CHD2: variants seen among roughly 807,000 people sequenced by gnomAD.
CHD2 encodes the protein ATP-dependent chromatin remodeler CHD2.
CHD2 carries 28 observed loss-of-function variants against 243.9 expected under a neutral mutation model. The ratio of observed to expected loss-of-function variants is 0.11; its 90% confidence interval spans 0.09 to 0.16. The LOEUF (loss-of-function observed/expected upper bound fraction) is 0.16, where lower values mean the gene tolerates loss of function less well. Among genes scored for constraint, CHD2 ranks in the 10% least tolerant of loss-of-function variants. The pLI is 1.00. For missense variants in CHD2, 1,386 were observed against 2,209.8 expected (o/e 0.63, Z 7.47); for synonymous variants, 775 against 779.0 (o/e 0.99, Z 0.09).
chr15:92,920,271 A>G (rs2052929646), intron 2 of CHD2, among the ~76,000 whole-genome samples: 1 of 152,260 alleles, frequency 6.6e-6, no homozygotes, highest in South Asian at 2.1e-4. Flanking sequence ...ATTTATGGTT[A>G]CAGTCAACAG....
chr15:93,014,862 C>G lies in CHD2; in HGVS notation c.4859C>G (p.Pro1620Arg). 6.2e-7 allele frequency: 1 copy of G among 1,614,142 alleles called. No individual in the cohort carries two copies. The highest frequency in any genetic ancestry group is 8.5e-7 in the Non-Finnish European group (1 of 1,180,026). The change falls in exon 37 of 39, where the codon CCA (proline) becomes CGA (arginine). Residue 1620 changes from proline (P) to arginine (R), a missense_variant. Coordinates refer to ENST00000394196, the MANE Select transcript of CHD2 (RefSeq NM_001271.4). ...CATGGCCCACAGATGCATGGACACC[C>G]AAGAGATAACTACAATCACCCCAAC... ...ASHGPQMHGH[P>R]RDNYNHPNKR...
chr15:92,969,225 T>C (rs558508420), intron 17 of CHD2, among the ~76,000 whole-genome samples: 5 of 152,224 alleles, frequency 3.3e-5, no homozygotes, highest in African/African-American at 4.8e-5. Flanking sequence ...TGAGTTTTTA[T>C]CACTTGCAAT....
intron 13 of CHD2, among the ~76,000 whole-genome samples, chr15:92,952,112 C>T (rs890698687): frequency 6.6e-6 from 1 of 152,124 alleles, no homozygotes; most frequent in Admixed American, 6.5e-5. Context: ...GCCAAAATGA[C>T]TGTATTCTGT....
chr15:92,971,656 A>T, intron 17 of CHD2, 109 bp from the exon 18 acceptor site: 1 of 858,206 alleles, frequency 1.2e-6, no homozygotes, highest in Non-Finnish European at 1.6e-6. Context: ...AAACTTTTTT[A>T]GGCCTCTTTT....
At chr15:92,979,535 A>G (rs997689657) in intron 22 of CHD2, among the ~76,000 whole-genome samples, 1 of 151,906 alleles carries the variant, frequency 6.6e-6, no homozygotes, top group South Asian at 2.1e-4. Context: ...CTCATGTGAC[A>G]TATGACACAG....
rs138243021 is a variant in CHD2, at chr15:92,945,624, C to T, written c.1154-197C>T. 4.1e-3 allele frequency: 1,304 copies of T among 316,788 alleles called. 4 individuals carry two copies. The highest frequency in any genetic ancestry group is 6.7e-3 in the Admixed American group (134 of 20,102). The allele number at this position is 316,788 out of a possible 1,614,324, so 19.6% of individuals were successfully genotyped here. Reference sequence around the variant, plus strand: ...TGTTGGCCAGGTTGGTCTTGAACTGCTGGCCTCAAGCAATCTGCCTGCCTT... The same window carrying T: ...TGTTGGCCAGGTTGGTCTTGAACTGTTGGCCTCAAGCAATCTGCCTGCCTT... On this transcript the variant is annotated intron_variant, in intron 10 of 38. Coordinates refer to ENST00000394196, the MANE Select transcript of CHD2 (RefSeq NM_001271.4).
chr15:92,986,905 A>T (rs190314608), intron 26 of CHD2, among the ~76,000 whole-genome samples: 1,781 of 148,628 alleles, frequency 0.012, 20 homozygotes, highest in South Asian at 0.031. Flanking sequence ...CTAATTAAAA[A>T]TTTTTTTTTT....
chr15:93,002,822 C>T (rs1321158003), intron 33 of CHD2, among the ~76,000 whole-genome samples: 1 of 152,172 alleles, frequency 6.6e-6, no homozygotes, highest in African/African-American at 2.4e-5. Context: ...GCAGTGTATA[C>T]TTGCTGACCT....
rs189583903 is a variant in CHD2 at position 92,941,969 on chromosome 15, G to A, written c.826+14G>A. ...GAAAGAAAGGAGGTATGTGTATTTG[G>A]GGAGCAAATTACATTTTATGTATGC... On this transcript the variant is annotated intron_variant, in intron 8 of 38. Coordinates refer to ENST00000394196, the MANE Select transcript of CHD2 (RefSeq NM_001271.4). 1.4e-5 allele frequency: 23 copies of A among 1,605,666 alleles called. No homozygotes were observed. The African/African-American group carries it at 3.0e-4, about 21-fold the overall frequency.
At chr15:93,008,167 G>C (rs985816492) in intron 34 of CHD2, among the ~76,000 whole-genome samples, 7 of 152,208 alleles carry the variant, frequency 4.6e-5, no homozygotes, top group African/African-American at 1.7e-4. Context: ...TCCAGAGCGT[G>C]AAGGCCTGGC....
chr15:93,019,534 A>G (rs1403862075), intron 37 of CHD2, among the ~76,000 whole-genome samples: 3 of 152,234 alleles, frequency 2.0e-5, no homozygotes, highest in Non-Finnish European at 4.4e-5. Context: ...TGTTTGTAAC[A>G]TGTGTCAGGC....
intron 10 of CHD2, 40 bp from the exon 11 acceptor site, chr15:92,945,781 T>TCATCATTCTTC (rs2053457865): frequency 7.5e-7 from 1 of 1,329,850 alleles, no homozygotes; most frequent in Non-Finnish European, 1.0e-6. Context: ...CATTCTTCAT[T>TCATCATTCTTC]GTGTTTATAA....
chr15:92,944,365 A>AT lies in CHD2; in HGVS notation c.1053-49dup, dbSNP rs759428396. 2.8e-6 allele frequency: 3 copies of AT among 1,055,176 alleles called. No homozygotes were observed. The African/African-American group carries it at 4.7e-5, about 17-fold the overall frequency. The allele number at this position is 1,055,176 out of a possible 1,614,324, so 65.4% of individuals were successfully genotyped here. A position where few individuals can be genotyped will look rare whatever the true frequency, so the allele number is the denominator to read the frequency against. On this transcript the variant is annotated intron_variant, in intron 9 of 38. Transcript: ENST00000394196. ...TTGACTTTTGCTTTGATGTATGTGG[A>AT]TCCCCAGACTTTAGTTTATGTGTAC...
At chr15:92,944,184 A>G (rs2053426362) in intron 9 of CHD2, 2 of 305,080 alleles carry the variant, frequency 6.6e-6, no homozygotes, top group East Asian at 5.2e-5. Context: ...AGAGGCAGGT[A>G]ACTGGTATAT....
chr15:92,955,772 G>T (rs748761197), intron 15 of CHD2, among the ~76,000 whole-genome samples: 1 of 152,166 alleles, frequency 6.6e-6, no homozygotes, highest in Non-Finnish European at 1.5e-5. Context: ...CTATAGATGA[G>T]GGGACCTTAG....
chr15:92,935,701 A>G (rs890410908), intron 5 of CHD2, among the ~76,000 whole-genome samples: 1 of 152,156 alleles, frequency 6.6e-6, no homozygotes, highest in Non-Finnish European at 1.5e-5. Context: ...TACTGTAAAC[A>G]TCTTCCTTTC....
At chr15:93,018,302 C>T (rs2141892863) in intron 37 of CHD2, among the ~76,000 whole-genome samples, 1 of 151,142 alleles carries the variant, frequency 6.6e-6, no homozygotes, top group Middle Eastern at 3.4e-3. Flanking sequence ...CCAGGTCAGC[C>T]ATGAATTTAA....
chr15:92,951,224 G>A (rs182773155), intron 13 of CHD2, among the ~76,000 whole-genome samples: 173 of 152,202 alleles, frequency 1.1e-3, no homozygotes, highest in African/African-American at 1.6e-3. Context: ...AGGCTGGAGC[G>A]CAGTGGCATG....
At chr15:93,007,645 G>A (rs1453341948) in intron 34 of CHD2, among the ~76,000 whole-genome samples, 1 of 152,126 alleles carries the variant, frequency 6.6e-6, no homozygotes, top group Non-Finnish European at 1.5e-5. Context: ...CTCAGTGGCT[G>A]ACAACCATGT....
Sources: allele counts gnomAD v4.1 joint callset (sites outside exome capture counted in the v4.1 genomes callset), GRCh38; gene constraint gnomAD v4.1.1; transcripts MANE v1.5; gene names NCBI Gene and HGNC (gene_info 2026-07-23, HGNC 2026-07-21).